Variants in SASH1 observed in about 807,000 individuals in gnomAD.
SASH1 encodes the protein SAM and SH3 domain-containing protein 1.
A neutral mutation model predicts 125.2 loss-of-function variants in SASH1; 44 were observed. The ratio of observed to expected loss-of-function variants is 0.35; its 90% confidence interval spans 0.28 to 0.45. The LOEUF (loss-of-function observed/expected upper bound fraction) is 0.45, where lower values mean the gene tolerates loss of function less well. Ranked by LOEUF, SASH1 falls within the 20% of genes least tolerant of loss-of-function variation. SASH1 has a pLI of 1.00. For synonymous variants in SASH1, 639 were observed against 649.1 expected (o/e 0.98, Z 0.24); for missense variants, 1,426 against 1,614.5 (o/e 0.88, Z 2.00).
At chr6:148,511,550 T>C (rs1408288751) in intron 8 of SASH1, among the ~76,000 whole-genome samples, 1 of 152,168 alleles carries the variant, frequency 6.6e-6, no homozygotes, top group Non-Finnish European at 1.5e-5. Flanking sequence ...AAAATAGCAT[T>C]AATTCAAAGG....
intron 1 of SASH1, among the ~76,000 whole-genome samples, chr6:148,375,741 C>T (rs1452805219): frequency 1.3e-5 from 2 of 152,124 alleles, no homozygotes; most frequent in Non-Finnish European, 2.9e-5. Context: ...ACACATGTGC[C>T]GGAACAAGAA....
At chr6:148,309,084 C>CA (rs10652144) in intron 1 of SASH1, among the ~76,000 whole-genome samples, 66 of 101,072 alleles carry the variant, frequency 6.5e-4, no homozygotes, top group Non-Finnish European at 6.5e-4. Context: ...ACTCTGTCTC[C>CA]AAAAAAAAAA....
At chr6:148,396,480 A>G (rs1783957348) in intron 2 of SASH1, among the ~76,000 whole-genome samples, 5 of 19,458 alleles carry the variant, frequency 2.6e-4, no homozygotes, top group Non-Finnish European at 5.2e-4. Context: ...GCATCTCAGA[A>G]AAAAAAAAAA....
At chr6:148,366,454 G>T (rs568506176) in intron 1 of SASH1, among the ~76,000 whole-genome samples, 2 of 152,264 alleles carry the variant, frequency 1.3e-5, no homozygotes, top group South Asian at 2.1e-4. Context: ...TTAAAGTCTT[G>T]TCCGGACTTG....
chr6:148,220,886 T>C, the SASH1 span, among the ~76,000 whole-genome samples: 1 of 152,152 alleles, frequency 6.6e-6, no homozygotes, highest in South Asian at 2.1e-4. Context: ...TGCACTCCAG[T>C]CTGGGCAACA....
chr6:148,508,685 T>C, intron 8 of SASH1: 1 of 1,180,678 alleles, frequency 8.5e-7, no homozygotes, highest in Non-Finnish European at 1.1e-6. Flanking sequence ...CTCCTTCGGA[T>C]ACTGAGCTGT....
chr6:148,507,571 A>G (rs890914425), intron 8 of SASH1, among the ~76,000 whole-genome samples: 6 of 152,056 alleles, frequency 3.9e-5, no homozygotes, highest in African/African-American at 1.2e-4. Flanking sequence ...GGTTTTCACC[A>G]TGTTTCCCAG....
At chr6:148,487,333 C>T (rs1778920562) in intron 7 of SASH1, among the ~76,000 whole-genome samples, 1 of 151,834 alleles carries the variant, frequency 6.6e-6, no homozygotes, top group Admixed American at 6.6e-5. Flanking sequence ...CTTTCTGGAA[C>T]ACAGGATACA....
At chr6:148,195,940 G>T in the SASH1 span, among the ~76,000 whole-genome samples, 2 of 152,212 alleles carry the variant, frequency 1.3e-5, no homozygotes, top group Admixed American at 6.5e-5. Context: ...TGGTCAGCAG[G>T]TTGTTATCTG....
chr6:148,208,327 A>T, the SASH1 span, among the ~76,000 whole-genome samples: 3 of 152,184 alleles, frequency 2.0e-5, no homozygotes, highest in African/African-American at 7.2e-5. Flanking sequence ...ATAAAAAGAG[A>T]TGCATAGGAC....
chr6:148,428,863 G>A lies in SASH1; in HGVS notation c.286-11321G>A, dbSNP rs373249830. ...AGAACCTTTCTTCTTTGATATGATG[G>A]GATGAGAGTACTTTTCCTTCAGTTT... On this transcript the variant is annotated intron_variant, in intron 2 of 19. Transcript: ENST00000367467. Among the ~76,000 whole-genome samples, 12 of 151,998 alleles carry A rather than the reference G, an allele frequency of 7.9e-5. No individual in the cohort carries two copies. In the East Asian group the frequency reaches 1.4e-3, roughly 17 times the overall value.
At chr6:148,257,079 C>T in the SASH1 span, among the ~76,000 whole-genome samples, 19 of 152,116 alleles carry the variant, frequency 1.2e-4, no homozygotes, top group South Asian at 2.1e-3. Flanking sequence ...AATATCAATA[C>T]GGCTGTTAAC....
intron 1 of SASH1, among the ~76,000 whole-genome samples, chr6:148,388,991 T>TGA: frequency 6.7e-6 from 1 of 150,330 alleles, no homozygotes; most frequent in East Asian, 1.9e-4. Context: ...AGAGGAGAGG[T>TGA]CTTTCTGAAT....
intron 1 of SASH1, among the ~76,000 whole-genome samples, chr6:148,379,599 C>T (rs1783052097): frequency 1.3e-5 from 2 of 152,098 alleles, no homozygotes; most frequent in East Asian, 1.9e-4. Context: ...TGCCATCCAT[C>T]CATCAATCCA....
chr6:148,298,752 G>GAGGAA (rs1779845470), intron 1 of SASH1, among the ~76,000 whole-genome samples: 1 of 113,056 alleles, frequency 8.8e-6, no homozygotes, highest in Non-Finnish European at 1.8e-5. Context: ...GGAAAGGAAG[G>GAGGAA]AAGAAAAGAG....
chr6:148,423,692 G>A (rs1775675951), intron 2 of SASH1, among the ~76,000 whole-genome samples: 1 of 152,154 alleles, frequency 6.6e-6, no homozygotes, highest in Non-Finnish European at 1.5e-5. Flanking sequence ...TTAACTGCGA[G>A]CTCTTGAAGG....
rs1780353260 is a variant in SASH1, at chr6:148,312,334, T to A, written n.74+39957T>A. Among the ~76,000 whole-genome samples the A allele has an allele frequency of 2.0e-5, 3 of 152,304 alleles. No individual in the cohort carries two copies. The South Asian group carries it at 6.2e-4, about 32-fold the overall frequency. ...AAAAAAGAAGCAATACTCTAGATAG[T>A]ACTTAGTCATCAAAAACCATGAAGG... On this transcript the variant is annotated intron_variant and non_coding_transcript_variant, in intron 1 of 3. Coordinates refer to the SASH1 transcript ENST00000367469.
intron 1 of SASH1, among the ~76,000 whole-genome samples, chr6:148,318,637 C>G (rs990625067): frequency 1.5e-5 from 2 of 130,320 alleles, no homozygotes; most frequent in African/African-American, 5.0e-5. Context: ...ACTGCAAGCT[C>G]CGCCTCCCGG....
chr6:148,464,254 G>A (rs903017172), intron 4 of SASH1, among the ~76,000 whole-genome samples: 3 of 152,186 alleles, frequency 2.0e-5, no homozygotes, highest in African/African-American at 7.2e-5. Context: ...GGTCTTAATA[G>A]TAGGAGTTAT....
Sources: allele counts gnomAD v4.1 joint callset (sites outside exome capture counted in the v4.1 genomes callset), GRCh38; gene constraint gnomAD v4.1.1; transcripts MANE v1.5; gene names NCBI Gene and HGNC (gene_info 2026-07-23, HGNC 2026-07-21).